Variants in CPED1 observed in about 807,000 individuals in gnomAD.
CPED1 encodes the protein cadherin like and PC-esterase domain containing 1, also known as cadherin-like and PC-esterase domain-containing protein 1.
In CPED1, 114 loss-of-function variants were observed where a neutral mutation model predicts 128.2. The observed-to-expected ratio is 0.89, with a 90% CI of 0.76 to 1.04. CPED1 has a LOEUF of 1.04. CPED1 is among the 50% of genes least tolerant of loss of function. The pLI, the probability that CPED1 is intolerant of heterozygous loss-of-function variation, is 0.00. For missense variants in CPED1, 1,211 were observed against 1,207.1 expected (o/e 1.00, Z -0.05); for synonymous variants, 462 against 426.7 (o/e 1.08, Z -1.02).
chr7:121,195,750 T>C (rs1163634518), intron 16 of CPED1, among the ~76,000 whole-genome samples: 1 of 152,146 alleles, frequency 6.6e-6, no homozygotes, highest in Non-Finnish European at 1.5e-5. Flanking sequence ...GTAAAAACAT[T>C]CAATAGTTAA....
intron 2 of CPED1, among the ~76,000 whole-genome samples, chr7:120,992,625 G>A (rs1796326875): frequency 6.6e-6 from 1 of 152,186 alleles, no homozygotes; most frequent in East Asian, 1.9e-4. Flanking sequence ...CATAGTTAAA[G>A]ACTTCAACTG....
At chr7:121,039,655 G>T (rs1163477253) in intron 3 of CPED1, among the ~76,000 whole-genome samples, 1 of 151,884 alleles carries the variant, frequency 6.6e-6, no homozygotes. Flanking sequence ...ATGTAAGCAC[G>T]CATACCCACA....
chr7:121,160,962 C>T (rs1442230223), intron 16 of CPED1, among the ~76,000 whole-genome samples: 1 of 151,942 alleles, frequency 6.6e-6, no homozygotes, highest in Non-Finnish European at 1.5e-5. Context: ...AGGGATGACC[C>T]CCAAAAGATT....
intron 7 of CPED1, among the ~76,000 whole-genome samples, chr7:121,122,061 C>G (rs2116307242): frequency 6.6e-6 from 1 of 151,290 alleles, no homozygotes; most frequent in South Asian, 2.1e-4. Context: ...TCGCGTGATT[C>G]TACTTTAATT....
rs184921766 is a variant in CPED1 at position 121,130,917 on chromosome 7, G to A, written c.1577+623G>A. 1.9e-3 allele frequency among the ~76,000 whole-genome samples: 292 copies of A among 152,074 alleles called. 5 individuals are homozygous for A. The highest frequency in any genetic ancestry group is 6.6e-3 in the African/African-American group (274 of 41,506). The stretch of plus-strand genomic sequence containing the variant: ...TTAGGGAATAAGAGGGAACTGAGAT[G>A]GATAAAATTTTATCTCCACTAGTTA... On this transcript the variant is annotated intron_variant, in intron 12 of 22. Coordinates refer to ENST00000310396, the MANE Select transcript of CPED1 (RefSeq NM_024913.5).
chr7:121,067,501 T>A (rs1268882239), intron 5 of CPED1, among the ~76,000 whole-genome samples: 1 of 152,200 alleles, frequency 6.6e-6, no homozygotes, highest in Non-Finnish European at 1.5e-5. Context: ...ATTTTCTTAA[T>A]CCAGTCTATC....
intron 3 of CPED1, among the ~76,000 whole-genome samples, chr7:121,028,375 C>G (rs1340572795): frequency 6.6e-6 from 1 of 152,176 alleles, no homozygotes; most frequent in African/African-American, 2.4e-5. Context: ...AGTAGCCAAA[C>G]AATTCCTCAT....
At chr7:121,132,344 AC>A (rs1795690645) in intron 12 of CPED1, among the ~76,000 whole-genome samples, 1 of 152,052 alleles carries the variant, frequency 6.6e-6, no homozygotes, top group Non-Finnish European at 1.5e-5. Context: ...CATCACGCAG[AC>A]AGGGAGGCCA....
chr7:121,199,111 G>A (rs1797331097), intron 16 of CPED1, among the ~76,000 whole-genome samples: 1 of 152,112 alleles, frequency 6.6e-6, no homozygotes, highest in Non-Finnish European at 1.5e-5. Context: ...GTGCTCTTTA[G>A]CATTTGTAAT....
chr7:121,232,194 C>T (rs1798155694), intron 16 of CPED1, among the ~76,000 whole-genome samples: 1 of 152,116 alleles, frequency 6.6e-6, no homozygotes, highest in South Asian at 2.1e-4. Context: ...CCCACAAAGT[C>T]GCAGGGCAAG....
intron 3 of CPED1, among the ~76,000 whole-genome samples, chr7:121,033,629 T>C (rs1175233572): frequency 6.6e-6 from 1 of 152,244 alleles, no homozygotes; most frequent in Non-Finnish European, 1.5e-5. Flanking sequence ...TTAGATTATC[T>C]ATTGTTTGAT....
intron 5 of CPED1, among the ~76,000 whole-genome samples, chr7:121,089,020 G>T (rs1258471772): frequency 1.3e-5 from 2 of 152,124 alleles, no homozygotes; most frequent in African/African-American, 2.4e-5. Flanking sequence ...TCTGACTCAG[G>T]CCCTTGGGTC....
Position 121,044,648 on chromosome 7 carries a change from C to CTTTTTTTTTTTTTTTTTTTTTTTTTTT in CPED1, c.434-2238_434-2237insTTTTTTTTTTTTTTTTTTTTTTTTTTT, listed in dbSNP as rs35159862. ...GATTGCTGAGAGCAGTGACTTTCTGCTCTTTTTTTTTTTTTTTTTTTGCTA... is the reference window on the plus strand; with the variant it reads ...GATTGCTGAGAGCAGTGACTTTCTGCTTTTTTTTTTTTTTTTTTTTTTTTTTTTCTTTTTTTTTTTTTTTTTTTGCTA... On this transcript the variant is annotated intron_variant, in intron 3 of 22. Transcript: ENST00000310396. Among the ~76,000 whole-genome samples, 54 of 69,522 alleles carry CTTTTTTTTTTTTTTTTTTTTTTTTTTT rather than the reference C, an allele frequency of 7.8e-4. 21 individuals are homozygous for CTTTTTTTTTTTTTTTTTTTTTTTTTTT. Among genetic ancestry groups the CTTTTTTTTTTTTTTTTTTTTTTTTTTT allele is most frequent in the Non-Finnish European group, 8.5e-4 (30 of 35,438 alleles). 45.6% of individuals were successfully genotyped at this position (69,522 alleles called of 152,430 possible).
chr7:121,058,287 T>C (rs1793554531), intron 4 of CPED1, among the ~76,000 whole-genome samples: 2 of 152,166 alleles, frequency 1.3e-5, no homozygotes, highest in Admixed American at 1.3e-4. Context: ...CAGGATTGCC[T>C]TGATTGTTTT....
Position 121,244,266 on chromosome 7 carries a change from C to T in CPED1, c.2238C>T (p.Thr746=), listed in dbSNP as rs769317641. Residue 746 remains threonine (T), a synonymous_variant, in exon 18 of 23, where the codon ACC becomes ACT. Coordinates refer to ENST00000310396, the MANE Select transcript of CPED1 (RefSeq NM_024913.5). ...GGACGTGTGACTGGAGAGAAATAAC[C>T]TGGCAGCCCCACAACTGCCAATATG... is the stretch of plus-strand genomic sequence containing the variant. ...DNRTCDWREI[T]WQPHNCQYGV... is the part of the protein sequence containing the mutation. 5.0e-6 allele frequency: 8 copies of T among 1,613,930 alleles called. No homozygotes were observed. The Admixed American group carries it at 1.3e-4, about 27-fold the overall frequency.
intron 6 of CPED1, 115 bp from the exon 7 acceptor site, chr7:121,099,811 G>A: frequency 9.5e-7 from 1 of 1,047,982 alleles, no homozygotes; most frequent in East Asian, 2.5e-5. Flanking sequence ...CCCACACACT[G>A]AGGGCTGGCG....
At chr7:121,020,255 A>G (rs1792405522) in intron 3 of CPED1, among the ~76,000 whole-genome samples, 1 of 152,038 alleles carries the variant, frequency 6.6e-6, no homozygotes, top group South Asian at 2.1e-4. Flanking sequence ...AGAAACACAG[A>G]AAGTAAAAGA....
chr7:121,085,334 G>A (rs1427186830), intron 5 of CPED1, among the ~76,000 whole-genome samples: 1 of 151,978 alleles, frequency 6.6e-6, no homozygotes, highest in African/African-American at 2.4e-5. Flanking sequence ...TCCTGCCCAG[G>A]GCCTGTCATC....
chr7:121,083,239 C>T (rs920970296), intron 5 of CPED1, among the ~76,000 whole-genome samples: 3 of 152,146 alleles, frequency 2.0e-5, no homozygotes, highest in Admixed American at 2.0e-4. Context: ...CCAATGCAAA[C>T]CTTACAGTCC....
Sources: gnomAD v4.1 joint callset for allele counts (sites outside exome capture counted in the v4.1 genomes callset) on GRCh38, gnomAD v4.1.1 for gene constraint, MANE v1.5 for transcripts, NCBI Gene and HGNC (gene_info 2026-07-23, HGNC 2026-07-21) for gene names.